The following CADM2 variants were observed in gnomAD, a reference collection of about 807,000 sequenced individuals.
The protein encoded by CADM2 is cell adhesion molecule 2.
CADM2 carries 12 observed loss-of-function variants against 49.8 expected under a neutral mutation model. The ratio of observed to expected loss-of-function variants is 0.24; its 90% CI spans 0.15 to 0.39. The LOEUF (loss-of-function observed/expected upper bound fraction) is 0.39, where lower values mean the gene tolerates loss of function less well. CADM2 is among the 10% of genes least tolerant of loss of function. The probability of loss-of-function intolerance (pLI) is 1.00; values close to 1 mark genes in which losing one functional copy is unlikely to be tolerated. For synonymous variants in CADM2, 214 were observed against 175.4 expected (o/e 1.22, Z -1.74); for missense variants, 378 against 492.3 (o/e 0.77, Z 2.20).
intron 3 of CADM2, among the ~76,000 whole-genome samples, chr3:85,817,146 T>C (rs1173479311): frequency 6.6e-6 from 1 of 152,152 alleles, no homozygotes; most frequent in East Asian, 1.9e-4. Flanking sequence ...GGAGGTAGCG[T>C]TATTTTAGTA....
At chr3:85,581,808 C>A (rs1235073848) in intron 1 of CADM2, among the ~76,000 whole-genome samples, 1 of 150,284 alleles carries the variant, frequency 6.7e-6, no homozygotes, top group African/African-American at 2.5e-5. Flanking sequence ...TCTTAGTGAG[C>A]TTCGAGTATT....
chr3:85,684,021 C>A (rs1448368561), intron 1 of CADM2, among the ~76,000 whole-genome samples: 1 of 152,142 alleles, frequency 6.6e-6, no homozygotes, highest in Non-Finnish European at 1.5e-5. Context: ...CTGGATACAG[C>A]CAGAACAAAA....
intron 5 of CADM2, among the ~76,000 whole-genome samples, chr3:85,906,489 C>T (rs886940667): frequency 2.0e-5 from 3 of 152,074 alleles, no homozygotes; most frequent in African/African-American, 7.2e-5. Context: ...AGTACTATTC[C>T]TTGCTAAGTG....
chr3:85,746,749 T>A (rs908103284), intron 2 of CADM2, among the ~76,000 whole-genome samples: 9 of 152,112 alleles, frequency 5.9e-5, no homozygotes, highest in African/African-American at 2.2e-4. Context: ...TGTCTTCCCG[T>A]GACTCAGGGG....
At position 85,345,503 on chromosome 3, in the gene CADM2, T is replaced by G. The variant is rs1424984240; in HGVS notation, c.62-381019T>G. The stretch of plus-strand genomic sequence containing the variant: ...TGCAATGAGAATATAAAATGACTTC[T>G]ATTGTATTCCTGTCCAAAATTCTTA... On this transcript the variant is annotated intron_variant, in intron 1 of 9. Transcript: ENST00000383699. Among the ~76,000 whole-genome samples the G allele has an allele frequency of 2.0e-5, 3 of 152,130 alleles. No homozygotes were observed. The East Asian group carries it at 5.8e-4, about 29-fold the overall frequency.
At chr3:85,722,115 G>A (rs560948678) in intron 1 of CADM2, among the ~76,000 whole-genome samples, 1 of 152,236 alleles carries the variant, frequency 6.6e-6, no homozygotes, top group East Asian at 1.9e-4. Flanking sequence ...CAGCAGAGAG[G>A]AAGCCCTGAA....
At chr3:85,832,330 G>C (rs1246169338) in intron 3 of CADM2, among the ~76,000 whole-genome samples, 1 of 151,818 alleles carries the variant, frequency 6.6e-6, no homozygotes. Context: ...GAAGTTCAGG[G>C]TAGTATATCC....
intron 2 of CADM2, among the ~76,000 whole-genome samples, chr3:85,738,306 C>G (rs1296526352): frequency 6.6e-6 from 1 of 152,166 alleles, no homozygotes; most frequent in Non-Finnish European, 1.5e-5. Flanking sequence ...ATGTTTGATT[C>G]ATTGAAGACC....
At chr3:85,765,800 G>A (rs1012242197) in intron 2 of CADM2, among the ~76,000 whole-genome samples, 2 of 151,904 alleles carry the variant, frequency 1.3e-5, no homozygotes, top group Admixed American at 6.6e-5. Context: ...AATGTCCTGT[G>A]TAGGGTAATT....
intron 5 of CADM2, among the ~76,000 whole-genome samples, chr3:85,890,740 C>T (rs950516537): frequency 2.6e-5 from 4 of 151,700 alleles, no homozygotes; most frequent in Non-Finnish European, 5.9e-5. Context: ...TTAACTTTCC[C>T]TTTGGCGCAG....
At chr3:85,712,072 T>G (rs1021526114) in intron 1 of CADM2, among the ~76,000 whole-genome samples, 1 of 152,198 alleles carries the variant, frequency 6.6e-6, no homozygotes, top group Non-Finnish European at 1.5e-5. Flanking sequence ...TTTGTTCCTC[T>G]CTTCAGTGAC....
At chr3:85,849,488 C>CA (rs2075008992) in intron 3 of CADM2, among the ~76,000 whole-genome samples, 1 of 152,072 alleles carries the variant, frequency 6.6e-6, no homozygotes, top group Non-Finnish European at 1.5e-5. Context: ...AACCTTTTCC[C>CA]AAAAAATACT....
intron 1 of CADM2, among the ~76,000 whole-genome samples, chr3:85,007,242 T>A (rs558192563): frequency 9.2e-5 from 14 of 152,288 alleles, no homozygotes; most frequent in African/African-American, 2.9e-4. Context: ...AAGATTAATA[T>A]GGCAGTCTAT....
At chr3:85,084,392 A>G (rs2107507759) in intron 1 of CADM2, among the ~76,000 whole-genome samples, 1 of 152,274 alleles carries the variant, frequency 6.6e-6, no homozygotes. Context: ...ACCTACTTTT[A>G]GGGTCTTTCA....
intron 1 of CADM2, among the ~76,000 whole-genome samples, chr3:84,982,291 C>T (rs2032228051): frequency 1.3e-5 from 2 of 152,006 alleles, no homozygotes; most frequent in Admixed American, 1.3e-4. Context: ...TAGATGTAGA[C>T]ATAAAATGGA....
At chr3:85,899,079 T>C (rs1715743810) in intron 5 of CADM2, among the ~76,000 whole-genome samples, 1 of 148,040 alleles carries the variant, frequency 6.8e-6, no homozygotes, top group Admixed American at 6.8e-5. Flanking sequence ...AATTCTCCTG[T>C]CTCAGCCTCC....
intron 1 of CADM2, among the ~76,000 whole-genome samples, chr3:85,224,485 T>C (rs543545085): frequency 6.6e-6 from 1 of 152,324 alleles, no homozygotes; most frequent in East Asian, 1.9e-4. Flanking sequence ...AAGTTCTTCG[T>C]AGAGTCTGGA....
intron 8 of CADM2, among the ~76,000 whole-genome samples, chr3:86,027,010 A>G (rs765715240): frequency 1.3e-5 from 2 of 152,170 alleles, no homozygotes; most frequent in African/African-American, 4.8e-5. Flanking sequence ...AGGATATTAG[A>G]TTTATAATAC....
At chr3:85,808,555 A>G (rs2072606696) in intron 3 of CADM2, among the ~76,000 whole-genome samples, 1 of 152,184 alleles carries the variant, frequency 6.6e-6, no homozygotes, top group Admixed American at 6.5e-5. Context: ...GAACACTTCA[A>G]TTCCTTCCTA....
Sources: allele counts gnomAD v4.1 joint callset (sites outside exome capture counted in the v4.1 genomes callset), GRCh38; gene constraint gnomAD v4.1.1; transcripts MANE v1.5; gene names NCBI Gene and HGNC (gene_info 2026-07-23, HGNC 2026-07-21).